Variants in SPMIP2 observed in about 807,000 individuals in gnomAD.
The protein encoded by SPMIP2 is sperm microtubule inner protein 2.
the SPMIP2 span, among the ~76,000 whole-genome samples, chr4:158,901,194 G>A: frequency 2.3e-3 from 342 of 148,776 alleles, no homozygotes; most frequent in African/African-American, 8.0e-3. Flanking sequence ...GTGCAGTGGC[G>A]TGATCTTAGC....
At chr4:159,024,983 C>A in the SPMIP2 span, among the ~76,000 whole-genome samples, 5 of 152,298 alleles carry the variant, frequency 3.3e-5, no homozygotes, top group Admixed American at 2.6e-4. Context: ...CCATTAAATA[C>A]CCTATGAAGT....
chr4:158,951,447 T>C, the SPMIP2 span, among the ~76,000 whole-genome samples: 2 of 152,174 alleles, frequency 1.3e-5, no homozygotes, highest in Non-Finnish European at 2.9e-5. Flanking sequence ...TACCCAAACA[T>C]AGAAAAGGTA....
At chr4:158,964,152 C>CA in the SPMIP2 span, among the ~76,000 whole-genome samples, 47 of 23,972 alleles carry the variant, frequency 2.0e-3, 2 homozygotes, top group Non-Finnish European at 4.8e-3. Context: ...GAGACTATCT[C>CA]AAAACAAAAC....
the SPMIP2 span, among the ~76,000 whole-genome samples, chr4:158,943,858 CTTTTTTTTT>C: frequency 1.5e-4 from 15 of 101,914 alleles, no homozygotes; most frequent in East Asian, 4.7e-3. Flanking sequence ...TTGACATTTT[CTTTTTTTTT>C]TTTTTTTTTG....
At chr4:158,899,541 C>T in the SPMIP2 span, among the ~76,000 whole-genome samples, 3 of 152,188 alleles carry the variant, frequency 2.0e-5, no homozygotes, top group African/African-American at 7.2e-5. Context: ...TGTTATCAGT[C>T]TATTCAGGGA....
At chr4:159,059,401 G>C in the SPMIP2 span, among the ~76,000 whole-genome samples, 2 of 152,152 alleles carry the variant, frequency 1.3e-5, no homozygotes, top group African/African-American at 2.4e-5. Flanking sequence ...TTTTGAGACA[G>C]TCTCACTCTC....
chr4:158,954,366 TCC>T, the SPMIP2 span, among the ~76,000 whole-genome samples: 1 of 135,698 alleles, frequency 7.4e-6, no homozygotes, highest in African/African-American at 2.7e-5. Flanking sequence ...CTTCTCCTCC[TCC>T]CACCATGATT....
chr4:158,999,373 C>T, the SPMIP2 span, among the ~76,000 whole-genome samples: 2 of 152,258 alleles, frequency 1.3e-5, no homozygotes, highest in South Asian at 4.1e-4. Flanking sequence ...ATAAACAGTA[C>T]ATTAGGAAGG....
At chr4:158,991,243 GA>G in the SPMIP2 span, among the ~76,000 whole-genome samples, 4 of 152,146 alleles carry the variant, frequency 2.6e-5, no homozygotes, top group African/African-American at 9.7e-5. Flanking sequence ...GGGACAGAAA[GA>G]AGGAATTTCA....
At chr4:158,979,206 A>G in the SPMIP2 span, among the ~76,000 whole-genome samples, 32 of 152,074 alleles carry the variant, frequency 2.1e-4, no homozygotes, top group Non-Finnish European at 4.3e-4. Context: ...CTACCCCGCC[A>G]CCAAGCTTGA....
chr4:159,056,516 C>G, the SPMIP2 span, among the ~76,000 whole-genome samples: 3 of 152,044 alleles, frequency 2.0e-5, no homozygotes, highest in African/African-American at 7.2e-5. Context: ...TATTTTTTGC[C>G]AGGTATTACA....
the SPMIP2 span, among the ~76,000 whole-genome samples, chr4:158,908,561 C>T: frequency 2.6e-5 from 4 of 152,172 alleles, no homozygotes; most frequent in Admixed American, 2.0e-4. Context: ...TGGAAAACTG[C>T]GTTTCCAATG....
chr4:158,967,071 GC>G, the SPMIP2 span, among the ~76,000 whole-genome samples: 1 of 152,090 alleles, frequency 6.6e-6, no homozygotes, highest in East Asian at 1.9e-4. Flanking sequence ...AGTGATACAC[GC>G]CTCCCTTGAT....
At chr4:158,929,124 C>A in the SPMIP2 span, among the ~76,000 whole-genome samples, 1 of 152,220 alleles carries the variant, frequency 6.6e-6, no homozygotes, top group Non-Finnish European at 1.5e-5. Flanking sequence ...AAGTGATCCT[C>A]CCACCTCAAC....
At chr4:158,904,146 A>C in the SPMIP2 span, among the ~76,000 whole-genome samples, 2 of 152,228 alleles carry the variant, frequency 1.3e-5, no homozygotes, top group Non-Finnish European at 2.9e-5. Flanking sequence ...GTATGATACA[A>C]TGAAGTTATA....
chr4:158,918,843 C>T, the SPMIP2 span, among the ~76,000 whole-genome samples: 20,681 of 152,156 alleles, frequency 0.14, 1,601 homozygotes, highest in South Asian at 0.19. Context: ...GTGCCAGGCC[C>T]GCGTGATGGG....
At chr4:158,905,408 TTGG>T in the SPMIP2 span, 1 of 152,182 alleles carries the variant, frequency 6.6e-6, no homozygotes, top group African/African-American at 2.4e-5. Context: ...AGTGTTTCGG[TTGG>T]TAAGTTCTTC....
chr4:158,961,011 G>A, the SPMIP2 span, among the ~76,000 whole-genome samples: 2 of 151,842 alleles, frequency 1.3e-5, no homozygotes, highest in Admixed American at 6.6e-5. Context: ...TAAGCATGGG[G>A]AATAAAAGTG....
the SPMIP2 span, among the ~76,000 whole-genome samples, chr4:159,062,699 C>CTCTCTCTT: frequency 1.4e-5 from 2 of 140,500 alleles, no homozygotes; most frequent in African/African-American, 5.3e-5. Context: ...GAAACAGGGT[C>CTCTCTCTT]TCTCTCTCTC....
Sources: allele counts gnomAD v4.1 joint callset (sites outside exome capture counted in the v4.1 genomes callset), GRCh38; gene constraint gnomAD v4.1.1; transcripts MANE v1.5; gene names NCBI Gene and HGNC (gene_info 2026-07-23, HGNC 2026-07-21).